NUCB2: variants seen among roughly 807,000 people sequenced by gnomAD.
NUCB2 encodes the protein nucleobindin 2, also known as nucleobindin-2.
Under a neutral mutation model 57.9 loss-of-function variants are expected in NUCB2, and 48 were observed. The ratio of observed to expected loss-of-function variants is 0.83; its 90% CI spans 0.66 to 1.05. The LOEUF is 1.05. NUCB2 is among the 50% of genes least tolerant of loss of function. The pLI is 0.00. For missense variants in NUCB2, 442 were observed against 476.2 expected (o/e 0.93, Z 0.67); for synonymous variants, 139 against 152.1 (o/e 0.91, Z 0.64).
intron 11 of NUCB2, among the ~76,000 whole-genome samples, chr11:17,321,921 T>C (rs1342176082): frequency 6.6e-6 from 1 of 152,212 alleles, no homozygotes; most frequent in African/African-American, 2.4e-5. Flanking sequence ...TCAAATCTTT[T>C]GACCATTTTT....
intron 8 of NUCB2, 158 bp from the exon 9 acceptor site, chr11:17,311,714 C>T: frequency 3.8e-6 from 2 of 522,250 alleles, no homozygotes; most frequent in Non-Finnish European, 6.8e-6. Flanking sequence ...ATCAGTTCAG[C>T]TGATCTAAAG....
chr11:17,348,519 T>G (rs1454288683), intron 2 of NUCB2, among the ~76,000 whole-genome samples: 2 of 151,836 alleles, frequency 1.3e-5, no homozygotes, highest in African/African-American at 4.8e-5. Context: ...TTGATTTTTT[T>G]TGTGGAGATG....
At chr11:17,294,868 A>G (rs951070839) in intron 2 of NUCB2, among the ~76,000 whole-genome samples, 7 of 151,952 alleles carry the variant, frequency 4.6e-5, no homozygotes, top group Non-Finnish European at 8.8e-5. Context: ...ACCAAAAGAG[A>G]GAAACCCCCG....
At chr11:17,322,357 C>T (rs566136472) in intron 11 of NUCB2, among the ~76,000 whole-genome samples, 218 of 152,106 alleles carry the variant, frequency 1.4e-3, no homozygotes, top group Non-Finnish European at 2.9e-3. Flanking sequence ...TTGTATTTTC[C>T]CCAATGTATG....
chr11:17,283,114 T>G (rs1943032708), intron 2 of NUCB2, among the ~76,000 whole-genome samples, 171 bp downstream of exon 2: 1 of 152,254 alleles, frequency 6.6e-6, no homozygotes, highest in South Asian at 2.1e-4. Flanking sequence ...ATGGGTATAG[T>G]GGCTTTATAA....
At chr11:17,326,161 C>T (rs952648219) in intron 11 of NUCB2, among the ~76,000 whole-genome samples, 2 of 151,686 alleles carry the variant, frequency 1.3e-5, no homozygotes, top group Non-Finnish European at 2.9e-5. Context: ...CCACCATGCC[C>T]AGCTAATTTT....
Position 17,330,755 on chromosome 11 carries a change from C to G in NUCB2, c.1174-147C>G. 1 of 654,372 alleles carries G rather than the reference C, an allele frequency of 1.5e-6. No homozygotes were observed. The highest frequency in any genetic ancestry group is 2.7e-6 in the Non-Finnish European group (1 of 364,754). 40.5% of individuals were successfully genotyped at this position (654,372 alleles called of 1,614,324 possible). A position where few individuals can be genotyped will look rare whatever the true frequency, so the allele number is the denominator to read the frequency against. On this transcript the variant is annotated intron_variant, in intron 12 of 13. Coordinates refer to ENST00000529010, the MANE Select transcript of NUCB2 (RefSeq NM_005013.4). The surrounding 1 kb of genome is among the most constrained non-coding windows in gnomAD (Gnocchi z 4.3). The stretch of plus-strand genomic sequence containing the variant: ...AATTGTTGGGACTATAGGCGTGAGC[C>G]ACTGCACCTAGTCAAATCTAAATCT...
In NUCB2 at chr11:17,315,482, G is replaced by T; in HGVS notation, c.1002+7G>T. On this transcript the variant is annotated splice_region_variant and intron_variant, in intron 11 of 13. Transcript: ENST00000529010. ...GGAGCCAGATAGCTGGGAGGTAATA[G>T]AACCTACTCTAAATGAGATGTATGG... The T allele has an allele frequency of 6.4e-7, 1 of 1,558,982 alleles. No homozygotes were observed. The highest frequency in any genetic ancestry group is 8.8e-7 in the Non-Finnish European group (1 of 1,132,058).
intron 2 of NUCB2, among the ~76,000 whole-genome samples, chr11:17,285,269 CAT>C (rs1051830982): frequency 3.4e-5 from 5 of 148,416 alleles, no homozygotes; most frequent in Admixed American, 6.7e-5. Context: ...CTACTAAAAA[CAT>C]ACAAAAAAAT....
intron 13 of NUCB2, 150 bp downstream of exon 13, chr11:17,331,133 A>G (rs1183834715): frequency 6.1e-6 from 4 of 652,134 alleles, no homozygotes; most frequent in Non-Finnish European, 1.0e-5. Flanking sequence ...TAGATTATAG[A>G]AAAATGAAAA....
At chr11:17,306,562 C>T (rs1229426315) in intron 5 of NUCB2, among the ~76,000 whole-genome samples, 1 of 152,152 alleles carries the variant, frequency 6.6e-6, no homozygotes, top group African/African-American at 2.4e-5. Flanking sequence ...CAACTTCCAT[C>T]CCCTCAGTCT....
chr11:17,312,011 A>T lies in NUCB2; in HGVS notation c.820-17A>T. ...ACTTTCTTTCCTTTCATGTTCATTT[A>T]AAATTTTTCTTTTTAGTTGGAGAAA... On this transcript the variant is annotated splice_polypyrimidine_tract_variant and intron_variant, in intron 9 of 13. Coordinates refer to ENST00000529010, the MANE Select transcript of NUCB2 (RefSeq NM_005013.4). 1 of 1,552,970 alleles carries T rather than the reference A, an allele frequency of 6.4e-7. No individual in the cohort carries two copies. The highest frequency in any genetic ancestry group is 1.2e-5 in the South Asian group (1 of 83,694).
chr11:17,311,909 A>G lies in NUCB2; in HGVS notation c.798A>G (p.Leu266=). 1.3e-6 allele frequency: 2 copies of G among 1,599,534 alleles called. No homozygotes were observed. Among genetic ancestry groups the G allele is most frequent in the Non-Finnish European group, 1.7e-6 (2 of 1,170,860 alleles). Residue 266 remains leucine (L), a synonymous_variant, in exon 9 of 14, where the codon TTA becomes TTG. Coordinates refer to ENST00000529010, the MANE Select transcript of NUCB2 (RefSeq NM_005013.4). ...ATGGATTCCTGGATGAACAAGAATT[A>G]GAAGCCCTATTTACTAAAGAGGTAA... ...NSDGFLDEQE[L]EALFTKELEK... is the part of the protein sequence containing the mutation.
At chr11:17,341,182 C>T (rs1952232698) in intron 2 of NUCB2, among the ~76,000 whole-genome samples, 1 of 152,194 alleles carries the variant, frequency 6.6e-6, no homozygotes, top group South Asian at 2.1e-4. Flanking sequence ...TGAGACTTTG[C>T]TGAAGTTGCC....
chr11:17,349,763 G>A (rs1238944192), exon 3 of NUCB2: 3 of 152,172 alleles, frequency 2.0e-5, no homozygotes, highest in Non-Finnish European at 4.4e-5. Flanking sequence ...CTGGATACAT[G>A]TCTTTGAGTG....
At chr11:17,349,659 A>T (rs1413376766) in exon 3 of NUCB2, 1 of 152,178 alleles carries the variant, frequency 6.6e-6, no homozygotes, top group African/African-American at 2.4e-5. Context: ...TCTTTTATTG[A>T]TCCCTGTGCC....
intron 1 of NUCB2, among the ~76,000 whole-genome samples, chr11:17,282,108 G>GA (rs1942697060): frequency 6.6e-6 from 1 of 151,190 alleles, no homozygotes; most frequent in South Asian, 2.1e-4. Context: ...TCTCATTGCT[G>GA]AAAAAAATAA....
Position 17,330,112 on chromosome 11 carries a change from T to C in NUCB2, c.1003-15T>C, listed in dbSNP as rs746048869. On this transcript the variant is annotated splice_polypyrimidine_tract_variant and intron_variant, in intron 11 of 13. Transcript: ENST00000529010. The surrounding 1 kb of genome is among the most constrained non-coding windows in gnomAD (Gnocchi z 4.3). ...TAGTTTTGAGATTATTCTTTCCTCATTTTTTTTCTTTTAGACATTAGATCA... is the reference window on the plus strand; with the variant it reads ...TAGTTTTGAGATTATTCTTTCCTCACTTTTTTTCTTTTAGACATTAGATCA... 7.5e-7 allele frequency: 1 copy of C among 1,331,792 alleles called. No individual in the cohort carries two copies. The highest frequency in any genetic ancestry group is 2.4e-5 in the East Asian group (1 of 41,666). The allele number at this position is 1,331,792 out of a possible 1,614,324, so 82.5% of individuals were successfully genotyped here. A position where few individuals can be genotyped will look rare whatever the true frequency, so the allele number is the denominator to read the frequency against.
intron 5 of NUCB2, among the ~76,000 whole-genome samples, chr11:17,303,224 G>A (rs993699535): frequency 6.6e-6 from 1 of 152,082 alleles, no homozygotes; most frequent in Non-Finnish European, 1.5e-5. Flanking sequence ...CCATTAAAGA[G>A]CAGATTGTCA....
Sources: allele counts gnomAD v4.1 joint callset (sites outside exome capture counted in the v4.1 genomes callset), GRCh38; gene constraint gnomAD v4.1.1; non-coding constraint Gnocchi (gnomAD v3.1); transcripts MANE v1.5; gene names NCBI Gene and HGNC (gene_info 2026-07-23, HGNC 2026-07-21).